Variants in DNM3 observed in about 807,000 individuals in gnomAD.
DNM3 encodes dynamin 3.
Under a neutral mutation model 101.6 loss-of-function variants are expected in DNM3, and 47 were observed. That is an observed-to-expected ratio of 0.46 (90% CI 0.37 to 0.59). The LOEUF (loss-of-function observed/expected upper bound fraction) is 0.59, where lower values mean the gene tolerates loss of function less well. DNM3 is among the 20% of genes least tolerant of loss of function. DNM3 has a pLI of 0.00. For synonymous variants in DNM3, 385 were observed against 387.9 expected (o/e 0.99, Z 0.09); for missense variants, 849 against 1,085.7 (o/e 0.78, Z 3.06).
intron 14 of DNM3, among the ~76,000 whole-genome samples, chr1:172,149,598 C>T (rs1199502489): frequency 1.3e-5 from 2 of 152,118 alleles, no homozygotes; most frequent in African/African-American, 4.8e-5. Context: ...GTGCTATGAG[C>T]TCCCGTTGAA....
At chr1:171,852,770 T>C (rs936989798) in intron 1 of DNM3, among the ~76,000 whole-genome samples, 1 of 152,216 alleles carries the variant, frequency 6.6e-6, no homozygotes, top group African/African-American at 2.4e-5. Context: ...GGATTGCCTG[T>C]GAAACAGTAA....
At chr1:171,972,097 A>C (rs960993577) in intron 2 of DNM3, among the ~76,000 whole-genome samples, 3 of 152,226 alleles carry the variant, frequency 2.0e-5, no homozygotes, top group African/African-American at 7.2e-5. Flanking sequence ...TTATTCTTGT[A>C]ATCATTTCTG....
At chr1:172,071,255 T>C (rs1052145942) in intron 11 of DNM3, among the ~76,000 whole-genome samples, 3 of 151,680 alleles carry the variant, frequency 2.0e-5, no homozygotes, top group Admixed American at 2.0e-4. Flanking sequence ...TTACAGTGGT[T>C]AATTTATTCC....
chr1:171,888,366 G>A (rs2036966748), intron 1 of DNM3, among the ~76,000 whole-genome samples: 1 of 152,080 alleles, frequency 6.6e-6, no homozygotes, highest in African/African-American at 2.4e-5. Flanking sequence ...AACATACTCT[G>A]TAGCTATTAG....
At chr1:171,875,779 A>T (rs1187152471) in intron 1 of DNM3, among the ~76,000 whole-genome samples, 1 of 150,142 alleles carries the variant, frequency 6.7e-6, no homozygotes, top group Non-Finnish European at 1.5e-5. Flanking sequence ...ATATAAATAA[A>T]TACCCCAGCA....
intron 1 of DNM3, among the ~76,000 whole-genome samples, chr1:171,917,235 C>T (rs2039784748): frequency 1.3e-5 from 2 of 152,224 alleles, no homozygotes; most frequent in African/African-American, 4.8e-5. Context: ...CAATCATTTA[C>T]ATCTATATTG....
chr1:172,244,004 A>AT (rs968859194), intron 14 of DNM3, among the ~76,000 whole-genome samples: 1 of 152,112 alleles, frequency 6.6e-6, no homozygotes, highest in Non-Finnish European at 1.5e-5. Context: ...TCCCAATGCT[A>AT]TCCCTTCCCC....
At chr1:171,859,277 C>A (rs985260758) in intron 1 of DNM3, among the ~76,000 whole-genome samples, 1 of 152,078 alleles carries the variant, frequency 6.6e-6, no homozygotes, top group Non-Finnish European at 1.5e-5. Flanking sequence ...TCTGGGATAC[C>A]CCAACTGCCT....
At chr1:172,127,366 G>A (rs906641972) in intron 13 of DNM3, among the ~76,000 whole-genome samples, 5 of 148,498 alleles carry the variant, frequency 3.4e-5, no homozygotes, top group Admixed American at 1.4e-4. Flanking sequence ...TTATTGTATC[G>A]CCAATCTCTT....
chr1:172,011,036 G>A (rs2047093005), intron 4 of DNM3, among the ~76,000 whole-genome samples: 1 of 151,750 alleles, frequency 6.6e-6, no homozygotes, highest in African/African-American at 2.4e-5. Flanking sequence ...CCTTAAAAAT[G>A]TGTTGGATTT....
At chr1:171,866,094 T>A (rs1034156869) in intron 1 of DNM3, among the ~76,000 whole-genome samples, 2 of 152,158 alleles carry the variant, frequency 1.3e-5, no homozygotes, top group Admixed American at 1.3e-4. Context: ...TGCCCTTTCA[T>A]TTCTGTTGCT....
At chr1:172,241,174 C>T (rs1456388675) in intron 14 of DNM3, among the ~76,000 whole-genome samples, 1 of 151,622 alleles carries the variant, frequency 6.6e-6, no homozygotes, top group Non-Finnish European at 1.5e-5. Flanking sequence ...CTCACTCACA[C>T]CTTGAATTCT....
intron 14 of DNM3, among the ~76,000 whole-genome samples, chr1:172,161,423 G>A (rs148718545): frequency 6.6e-6 from 1 of 152,054 alleles, no homozygotes; most frequent in East Asian, 1.9e-4. Flanking sequence ...CAGTATTAGA[G>A]TGAAATAATA....
At position 171,937,273 on chromosome 1, in the gene DNM3, T is replaced by C. The variant is rs561072797; in HGVS notation, c.235+15452T>C. On this transcript the variant is annotated intron_variant, in intron 2 of 20. Transcript: ENST00000627582. ...TAAGATAATCTGCTTTTGCAAAGGA[T>C]TTATGTTTTTTTTTTTCCATTGTAA... is the stretch of plus-strand genomic sequence containing the variant. Among the ~76,000 whole-genome samples the C allele has an allele frequency of 1.6e-4, 25 of 152,162 alleles. No homozygotes were observed. In the South Asian group the frequency reaches 5.2e-3, roughly 32 times the overall value.
At chr1:172,133,220 G>GCT in intron 14 of DNM3, 1 of 1,160,244 alleles carries the variant, frequency 8.6e-7, no homozygotes, top group African/African-American at 1.6e-5. Flanking sequence ...GGTATAGGAT[G>GCT]CTCTCTGTAG....
At chr1:172,333,337 C>T (rs2066272228) in intron 17 of DNM3, among the ~76,000 whole-genome samples, 2 of 152,096 alleles carry the variant, frequency 1.3e-5, no homozygotes, top group South Asian at 4.1e-4. Flanking sequence ...GTATAAGGCA[C>T]TTGTAGGAAG....
chr1:172,259,300 C>T (rs1346973653), intron 15 of DNM3, among the ~76,000 whole-genome samples: 2 of 151,962 alleles, frequency 1.3e-5, no homozygotes, highest in African/African-American at 4.8e-5. Context: ...AATGTTTCTT[C>T]GTTAATTTTC....
rs116507597 is a variant in DNM3 at position 171,951,901 on chromosome 1, A to G, written c.235+30080A>G. 6.4e-3 allele frequency among the ~76,000 whole-genome samples: 978 copies of G among 152,338 alleles called. 16 individuals are homozygous for G. The highest frequency in any genetic ancestry group is 0.021 in the African/African-American group (889 of 41,582). On this transcript the variant is annotated intron_variant, in intron 2 of 20. Coordinates refer to ENST00000627582, the MANE Select transcript of DNM3 (RefSeq NM_015569.5). ...AAATTGTAGGTAAAATCATAAATCA[A>G]TACATAGCAGGTGTACATTGGTTCA...
At chr1:171,880,995 G>A (rs1558205528) in intron 1 of DNM3, among the ~76,000 whole-genome samples, 1 of 152,040 alleles carries the variant, frequency 6.6e-6, no homozygotes, top group Non-Finnish European at 1.5e-5. Context: ...TAATTTATTG[G>A]AAATTGTTTT....
Sources: gnomAD v4.1 joint callset for allele counts (sites outside exome capture counted in the v4.1 genomes callset) on GRCh38, gnomAD v4.1.1 for gene constraint, MANE v1.5 for transcripts, NCBI Gene and HGNC (gene_info 2026-07-23, HGNC 2026-07-21) for gene names.